The following CNTNAP2 variants were observed in gnomAD, a reference collection of about 807,000 sequenced individuals.
CNTNAP2 encodes the protein contactin-associated protein-like 2.
Under a neutral mutation model 155.2 loss-of-function variants are expected in CNTNAP2, and 98 were observed. The ratio of observed to expected loss-of-function variants is 0.63; its 90% CI spans 0.54 to 0.75. CNTNAP2 has a LOEUF of 0.75. Ranked by LOEUF, CNTNAP2 falls within the 30% of genes least tolerant of loss-of-function variation. CNTNAP2 has a pLI of 0.00. For synonymous variants in CNTNAP2, 651 were observed against 631.2 expected (o/e 1.03, Z -0.47); for missense variants, 1,727 against 1,688.1 (o/e 1.02, Z -0.40).
At chr7:146,906,522 G>A (rs1396163908) in intron 3 of CNTNAP2, among the ~76,000 whole-genome samples, 1 of 152,118 alleles carries the variant, frequency 6.6e-6, no homozygotes, top group Admixed American at 6.5e-5. Flanking sequence ...TAACTGGGAG[G>A]CACCCCCCAG....
intron 17 of CNTNAP2, among the ~76,000 whole-genome samples, chr7:148,151,134 T>C (rs189636324): frequency 6.6e-6 from 1 of 152,316 alleles, no homozygotes; most frequent in East Asian, 1.9e-4. Context: ...GGTCTTTGAC[T>C]ACCACCTCTG....
intron 11 of CNTNAP2, among the ~76,000 whole-genome samples, chr7:147,507,044 A>G (rs992860877): frequency 2.0e-5 from 3 of 152,166 alleles, no homozygotes; most frequent in African/African-American, 7.2e-5. Context: ...ATGCATGTGA[A>G]GTGGATGTTC....
chr7:146,299,813 A>G (rs1308060112), intron 1 of CNTNAP2, among the ~76,000 whole-genome samples: 1 of 152,152 alleles, frequency 6.6e-6, no homozygotes, highest in Non-Finnish European at 1.5e-5. Context: ...TAGAGATGAG[A>G]AAAAGCATGG....
chr7:147,088,261 T>G lies in CNTNAP2; in HGVS notation c.551-19886T>G, dbSNP rs1164527426. 2.0e-5 allele frequency among the ~76,000 whole-genome samples: 3 copies of G among 152,274 alleles called. No individual in the cohort carries two copies. In the East Asian group the frequency reaches 5.8e-4, roughly 29 times the overall value. On this transcript the variant is annotated intron_variant, in intron 4 of 23. Coordinates refer to ENST00000361727, the MANE Select transcript of CNTNAP2 (RefSeq NM_014141.6). The stretch of plus-strand genomic sequence containing the variant: ...GGATCACTAAAAATAAAGAAAAGGA[T>G]CACTATGGAATAATGACCCTTTAAT...
intron 11 of CNTNAP2, among the ~76,000 whole-genome samples, chr7:147,497,745 T>C (rs746405635): frequency 6.6e-6 from 1 of 152,198 alleles, no homozygotes; most frequent in East Asian, 1.9e-4. Context: ...CTCTAGAGTT[T>C]GAATGACATA....
chr7:147,577,498 C>T (rs1250558003), intron 12 of CNTNAP2, among the ~76,000 whole-genome samples: 1 of 151,738 alleles, frequency 6.6e-6, no homozygotes, highest in Non-Finnish European at 1.5e-5. Context: ...CTAAATCACT[C>T]CTATCTGTAG....
At chr7:147,072,294 T>C (rs1350599375) in intron 4 of CNTNAP2, among the ~76,000 whole-genome samples, 3 of 152,042 alleles carry the variant, frequency 2.0e-5, no homozygotes, top group East Asian at 1.9e-4. Context: ...AATCCTGCAA[T>C]AGATGGCTTT....
At chr7:147,936,317 C>T (rs1261966686) in intron 14 of CNTNAP2, among the ~76,000 whole-genome samples, 1 of 145,530 alleles carries the variant, frequency 6.9e-6, no homozygotes, top group Non-Finnish European at 1.5e-5. Context: ...TTTTTTTGCA[C>T]TCACTTATTT....
At chr7:147,488,389 G>A (rs1584765866) in intron 11 of CNTNAP2, among the ~76,000 whole-genome samples, 2 of 152,106 alleles carry the variant, frequency 1.3e-5, no homozygotes, top group African/African-American at 2.4e-5. Context: ...AAGTCTCTTG[G>A]TATTCTACAA....
rs141023475 is a variant in CNTNAP2, at chr7:148,011,885, A to G, written c.2383+33896A>G. Among the ~76,000 whole-genome samples, 209 of 152,280 alleles carry G rather than the reference A, an allele frequency of 1.4e-3. 5 individuals are homozygous for G. In the East Asian group the frequency reaches 0.023, roughly 17 times the overall value. ...TCAGCTGTGTTTCCTAGAACATCCT[A>G]TCATTGAAGATGTAGCCTTCAGGGG... On this transcript the variant is annotated intron_variant, in intron 15 of 23. Transcript: ENST00000361727.
At chr7:146,501,529 C>T (rs1354216301) in intron 1 of CNTNAP2, among the ~76,000 whole-genome samples, 1 of 151,752 alleles carries the variant, frequency 6.6e-6, no homozygotes, top group East Asian at 1.9e-4. Context: ...CCTTTGTAAG[C>T]TTTTTTATTT....
intron 5 of CNTNAP2, among the ~76,000 whole-genome samples, chr7:147,116,973 C>G (rs78121217): frequency 0.014 from 2,130 of 152,312 alleles, 60 homozygotes; most frequent in African/African-American, 0.049. Context: ...GTCTGTACCT[C>G]TCCTCGAGGC....
At chr7:147,896,575 G>A (rs1371779468) in intron 13 of CNTNAP2, among the ~76,000 whole-genome samples, 2 of 152,106 alleles carry the variant, frequency 1.3e-5, no homozygotes, top group African/African-American at 2.4e-5. Context: ...ACAGGGAGTC[G>A]AAGCTGTCTT....
intron 1 of CNTNAP2, among the ~76,000 whole-genome samples, chr7:146,389,696 C>CTTTTTTTTTTTTTT (rs1408040421): frequency 1.4e-5 from 2 of 140,822 alleles, no homozygotes; most frequent in African/African-American, 5.4e-5. Context: ...TTTTTCTTTT[C>CTTTTTTTTTTTTTT]TTTTTTCTTT....
At chr7:146,347,141 A>T (rs76120249) in intron 1 of CNTNAP2, among the ~76,000 whole-genome samples, 149 of 103,530 alleles carry the variant, frequency 1.4e-3, no homozygotes, top group African/African-American at 0.012. Context: ...TACTCTGTAA[A>T]AAAAAAAAAA....
intron 3 of CNTNAP2, among the ~76,000 whole-genome samples, chr7:146,912,041 C>G (rs1562998620): frequency 1.3e-5 from 2 of 151,592 alleles, no homozygotes; most frequent in African/African-American, 4.9e-5. Context: ...AGTATACAAT[C>G]CTTTCATTAC....
intron 17 of CNTNAP2, among the ~76,000 whole-genome samples, chr7:148,161,197 C>T (rs117998723): frequency 0.022 from 3,287 of 152,266 alleles, 48 homozygotes; most frequent in Middle Eastern, 0.048. Context: ...ATTTTGCTGC[C>T]GCTTCATGTC....
intron 1 of CNTNAP2, among the ~76,000 whole-genome samples, chr7:146,322,036 T>C (rs1278233842): frequency 6.6e-6 from 1 of 152,000 alleles, no homozygotes; most frequent in Non-Finnish European, 1.5e-5. Flanking sequence ...GACCTTGGAG[T>C]CTTCATAATG....
intron 1 of CNTNAP2, among the ~76,000 whole-genome samples, chr7:146,747,279 T>C (rs903058348): frequency 6.6e-6 from 1 of 152,158 alleles, no homozygotes; most frequent in Non-Finnish European, 1.5e-5. Context: ...ATTTTGATCA[T>C]CACTTTTCAG....
Sources: gnomAD v4.1 joint callset for allele counts (sites outside exome capture counted in the v4.1 genomes callset) on GRCh38, gnomAD v4.1.1 for gene constraint, MANE v1.5 for transcripts, NCBI Gene and HGNC (gene_info 2026-07-23, HGNC 2026-07-21) for gene names.